The following PCDHA6 variants were observed in gnomAD, a reference collection of about 807,000 sequenced individuals.
PCDHA6 encodes protocadherin alpha 6.
Under a neutral mutation model 60.3 loss-of-function variants are expected in PCDHA6, and 55 were observed. That is an observed-to-expected ratio of 0.91 (90% CI 0.73 to 1.14). PCDHA6 has a LOEUF of 1.14. Ranked by LOEUF, PCDHA6 falls within the 50% of genes most tolerant of loss-of-function variation. The probability of loss-of-function intolerance (pLI) is 0.00; values close to 1 mark genes in which losing one functional copy is unlikely to be tolerated. For missense variants in PCDHA6, 1,327 were observed against 1,256.5 expected (o/e 1.06, Z -0.85); for synonymous variants, 652 against 557.9 (o/e 1.17, Z -2.38).
intron 1 of PCDHA6, chr5:140,860,741 A>G (rs1051390184): frequency 2.0e-5 from 3 of 152,018 alleles, no homozygotes; most frequent in Non-Finnish European, 2.9e-5. Context: ...TTTGTTTTTT[A>G]TTTTTTATTT....
chr5:140,960,417 A>G (rs1340642372), intron 1 of PCDHA6, among the ~76,000 whole-genome samples: 10 of 152,218 alleles, frequency 6.6e-5, no homozygotes, highest in African/African-American at 1.9e-4. Flanking sequence ...CAAAAAGTCA[A>G]CAATTACTTG....
chr5:140,862,502 G>A (rs2047397445), intron 1 of PCDHA6: 2 of 398,710 alleles, frequency 5.0e-6, no homozygotes, highest in Non-Finnish European at 5.0e-6. Flanking sequence ...TCGGAATGGG[G>A]ACTCGCTTTC....
At chr5:140,928,272 T>TG in intron 1 of PCDHA6, 1 of 1,614,156 alleles carries the variant, frequency 6.2e-7, no homozygotes, top group Admixed American at 1.7e-5. Context: ...ACAATGGCCC[T>TG]GGGGCCTCTC....
intron 1 of PCDHA6, chr5:140,861,521 G>A: frequency 2.2e-6 from 1 of 460,574 alleles, no homozygotes; most frequent in Admixed American, 2.2e-5. Flanking sequence ...TGTGTGGGAG[G>A]ATCTCGGAGT....
rs1554214040 is a variant in PCDHA6, at chr5:140,941,214, C to CCTTCCTTTCTTTCTTTCTTTCTTTCTTT, written c.2395-37732_2395-37731insCCTTTCTTTCTTTCTTTCTTTCTTTCTT. Reference sequence around the variant, plus strand: ...TTTTTTCTTTCTTCCTTTCTTTCTTCCTTTCTTTCTTTCTTTCTTTCTTTC... The same window carrying CCTTCCTTTCTTTCTTTCTTTCTTTCTTT: ...TTTTTTCTTTCTTCCTTTCTTTCTTCCTTCCTTTCTTTCTTTCTTTCTTTCTTTCTTTCTTTCTTTCTTTCTTTCTTTC... On this transcript the variant is annotated intron_variant, in intron 1 of 3. Transcript: ENST00000529310. Among the ~76,000 whole-genome samples, 25 of 122,492 alleles carry CCTTCCTTTCTTTCTTTCTTTCTTTCTTT rather than the reference C, an allele frequency of 2.0e-4. 1 individual carries two copies. Among genetic ancestry groups the CCTTCCTTTCTTTCTTTCTTTCTTTCTTT allele is most frequent in the East Asian group, 4.6e-4 (2 of 4,322 alleles). The allele number at this position is 122,492 out of a possible 152,430, so 80.4% of individuals were successfully genotyped here.
At chr5:140,969,935 T>C (rs1490184904) in intron 1 of PCDHA6, among the ~76,000 whole-genome samples, 2 of 152,222 alleles carry the variant, frequency 1.3e-5, no homozygotes, top group Non-Finnish European at 2.9e-5. Context: ...TTAGACATCA[T>C]ACTGAAGCTA....
At chr5:140,970,802 AC>A (rs1407360459) in intron 1 of PCDHA6, among the ~76,000 whole-genome samples, 1 of 152,216 alleles carries the variant, frequency 6.6e-6, no homozygotes, top group Non-Finnish European at 1.5e-5. Flanking sequence ...CCATATTGTT[AC>A]ATTTCAAGTT....
intron 1 of PCDHA6, chr5:140,883,809 G>A (rs781801106): frequency 6.2e-7 from 1 of 1,612,420 alleles, no homozygotes; most frequent in East Asian, 2.2e-5. Context: ...CACGCGGAGA[G>A]CGGCAAGGTG....
intron 1 of PCDHA6, chr5:140,883,431 C>T: frequency 6.2e-7 from 1 of 1,614,172 alleles, no homozygotes. Flanking sequence ...GTCACCTGCA[C>T]CTTGACGCCG....
chr5:140,948,107 C>T (rs1156492592), intron 1 of PCDHA6, among the ~76,000 whole-genome samples: 3 of 151,432 alleles, frequency 2.0e-5, no homozygotes, highest in Middle Eastern at 3.2e-3. Flanking sequence ...GATTTTTCTT[C>T]GTTTTACTAA....
rs781915766 is a variant in PCDHA6, at chr5:140,869,999, G to C, written c.2394+39514G>C. Reference sequence around the variant, plus strand: ...TTATTTACACTAGATCAAAATAATGGAGAAGTGAGGGTCAATGGAACTTTA... The same window carrying C: ...TTATTTACACTAGATCAAAATAATGCAGAAGTGAGGGTCAATGGAACTTTA... On this transcript the variant is annotated intron_variant, in intron 1 of 3. Coordinates refer to ENST00000529310, the MANE Select transcript of PCDHA6 (RefSeq NM_018909.4). The C allele has an allele frequency of 3.7e-6, 6 of 1,613,396 alleles. No individual in the cohort carries two copies. In the South Asian group the frequency reaches 6.6e-5, roughly 18 times the overall value.
At chr5:140,968,353 C>A (rs1377792748) in intron 1 of PCDHA6, 1 of 1,614,106 alleles carries the variant, frequency 6.2e-7, no homozygotes, top group Non-Finnish European at 8.5e-7. Context: ...GTGCCAGTGG[C>A]AGCCTTTATG....
At chr5:140,936,340 C>T (rs1346812812) in intron 1 of PCDHA6, among the ~76,000 whole-genome samples, 1 of 152,102 alleles carries the variant, frequency 6.6e-6, no homozygotes, top group Non-Finnish European at 1.5e-5. Flanking sequence ...TCTCTATCTG[C>T]ATATATGGAA....
chr5:140,964,701 C>T (rs1228970267), intron 1 of PCDHA6, among the ~76,000 whole-genome samples: 2 of 151,776 alleles, frequency 1.3e-5, no homozygotes, highest in Non-Finnish European at 2.9e-5. Context: ...GAGATTAAGG[C>T]CTCCGAGATC....
At chr5:140,836,050 T>G (rs1344658459) in intron 1 of PCDHA6, 1 of 1,613,330 alleles carries the variant, frequency 6.2e-7, no homozygotes, top group Non-Finnish European at 8.5e-7. Context: ...GTGTTCGTGC[T>G]GGACGAGAAC....
intron 1 of PCDHA6, among the ~76,000 whole-genome samples, chr5:140,918,360 G>A (rs1243919537): frequency 1.3e-5 from 2 of 152,082 alleles, no homozygotes; most frequent in African/African-American, 4.8e-5. Flanking sequence ...CTTCCTCTCT[G>A]CCTATTTGGA....
In PCDHA6 at chr5:140,835,338, C is replaced by T. The variant is rs2150234126; in HGVS notation, c.2394+4853C>T. The T allele has an allele frequency of 1.4e-5, 22 of 1,613,678 alleles. No individual in the cohort carries two copies. The South Asian group carries it at 2.2e-4, about 16-fold the overall frequency. ...TGAAGAAAGTAGAGCACACAAGATCCCAGTCGAGGCTGTCGATAAAGGCTT... is the reference window on the plus strand; with the variant it reads ...TGAAGAAAGTAGAGCACACAAGATCTCAGTCGAGGCTGTCGATAAAGGCTT... On this transcript the variant is annotated intron_variant, in intron 1 of 3. Transcript: ENST00000529310.
chr5:140,843,354 C>G, intron 1 of PCDHA6: 1 of 1,596,098 alleles, frequency 6.3e-7, no homozygotes, highest in East Asian at 2.2e-5. Context: ...GCTCCAAAAG[C>G]GTCATCGAGG....
Position 140,851,214 on chromosome 5 carries a change from A to G in PCDHA6, c.2394+20729A>G. ...AGTTGTTAGTCATTCATTAAACATT[A>G]ACATCACTATCATTTATTTATTGCT... On this transcript the variant is annotated intron_variant, in intron 1 of 3. Coordinates refer to ENST00000529310, the MANE Select transcript of PCDHA6 (RefSeq NM_018909.4). The G allele has an allele frequency of 6.9e-6, 8 of 1,159,680 alleles. 1 individual carries two copies. The highest frequency in any genetic ancestry group is 7.7e-6 in the Non-Finnish European group (7 of 905,618). 71.8% of individuals were successfully genotyped at this position (1,159,680 alleles called of 1,614,324 possible).
Sources: gnomAD v4.1 joint callset for allele counts (sites outside exome capture counted in the v4.1 genomes callset) on GRCh38, gnomAD v4.1.1 for gene constraint, MANE v1.5 for transcripts, NCBI Gene and HGNC (gene_info 2026-07-23, HGNC 2026-07-21) for gene names.